Variants in XRN2 observed in about 807,000 individuals in gnomAD.
XRN2 encodes the protein DHM1-like protein.
In XRN2, 44 loss-of-function variants were observed where a neutral mutation model predicts 138.5. The ratio of observed to expected loss-of-function variants is 0.32; its 90% CI spans 0.25 to 0.41. The LOEUF (loss-of-function observed/expected upper bound fraction) is 0.41. XRN2 is among the 10% of genes least tolerant of loss of function. The pLI, the probability that XRN2 is intolerant of heterozygous loss-of-function variation, is 1.00. For synonymous variants in XRN2, 354 were observed against 369.4 expected (o/e 0.96, Z 0.48); for missense variants, 937 against 1,169.3 (o/e 0.80, Z 2.90).
rs999619865 is a variant in XRN2, at chr20:21,328,812, A to G, written c.427+142A>G. 9 of 731,762 alleles carry G rather than the reference A, an allele frequency of 1.2e-5. No individual in the cohort carries two copies. In the African/African-American group the frequency reaches 1.4e-4, roughly 12 times the overall value. 45.3% of individuals were successfully genotyped at this position (731,762 alleles called of 1,614,324 possible). On this transcript the variant is annotated intron_variant, in intron 4 of 29. Coordinates refer to ENST00000377191, the MANE Select transcript of XRN2 (RefSeq NM_012255.5). ...TATCCAGTGTTCACTGTTGAGGAAAAGTAGTTCATGAAATCTACCAATAGG... is the reference window on the plus strand; with the variant it reads ...TATCCAGTGTTCACTGTTGAGGAAAGGTAGTTCATGAAATCTACCAATAGG...
intron 28 of XRN2, among the ~76,000 whole-genome samples, chr20:21,385,679 G>T (rs544183546): frequency 6.6e-6 from 1 of 152,198 alleles, no homozygotes; most frequent in Non-Finnish European, 1.5e-5. Flanking sequence ...TAAAAAGAAG[G>T]CAAGCTCCAA....
chr20:21,329,426 A>G (rs2038172282), intron 4 of XRN2, among the ~76,000 whole-genome samples: 1 of 152,176 alleles, frequency 6.6e-6, no homozygotes, highest in South Asian at 2.1e-4. Context: ...AAGGGGGTAT[A>G]ATAGACCAGA....
At chr20:21,357,814 G>A (rs2038594161) in intron 24 of XRN2, 22 bp downstream of exon 24, 3 of 1,591,412 alleles carry the variant, frequency 1.9e-6, no homozygotes, top group Non-Finnish European at 2.6e-6. Flanking sequence ...AAAATTCATG[G>A]CATTCACCCA....
In XRN2 at chr20:21,326,274, C is replaced by T. The variant is rs1456858473; in HGVS notation, c.76-5C>T. The T allele has an allele frequency of 6.2e-7, 1 of 1,612,458 alleles. No homozygotes were observed. Among genetic ancestry groups the T allele is most frequent in the East Asian group, 2.2e-5 (1 of 44,770 alleles). ...AAACTACTATTAATTATCACTTCCT[C>T]ATAGCCAAAAGAATGCAATGGTGTA... is the stretch of plus-strand genomic sequence containing the variant. On this transcript the variant is annotated splice_region_variant and splice_polypyrimidine_tract_variant and intron_variant, in intron 1 of 29. Transcript: ENST00000377191.
intron 11 of XRN2, 32 bp downstream of exon 11, chr20:21,333,869 T>G (rs775063391): frequency 6.2e-7 from 1 of 1,614,128 alleles, no homozygotes; most frequent in Non-Finnish European, 8.5e-7. Flanking sequence ...TTCAAACGAC[T>G]GTTTTAGGCT....
intron 24 of XRN2, among the ~76,000 whole-genome samples, chr20:21,359,260 G>T (rs914459570): frequency 6.6e-6 from 1 of 152,098 alleles, no homozygotes; most frequent in Non-Finnish European, 1.5e-5. Flanking sequence ...GGCCGGGCGC[G>T]GTGGCTCACA....
At chr20:21,370,708 A>G (rs1409902727) in intron 27 of XRN2, among the ~76,000 whole-genome samples, 1 of 152,244 alleles carries the variant, frequency 6.6e-6, no homozygotes, top group African/African-American at 2.4e-5. Context: ...GTTGACCACA[A>G]AAATAATTAA....
At chr20:21,354,936 A>G in intron 21 of XRN2, 64 bp downstream of exon 21, 2 of 1,307,040 alleles carry the variant, frequency 1.5e-6, no homozygotes, top group Non-Finnish European at 2.1e-6. Context: ...TTCTGTATAA[A>G]ATTAGACCTT....
chr20:21,319,236 C>G (rs2038004815), intron 1 of XRN2, among the ~76,000 whole-genome samples: 1 of 152,090 alleles, frequency 6.6e-6, no homozygotes, highest in Non-Finnish European at 1.5e-5. Context: ...GCATGATTAT[C>G]TTTTCTCATC....
chr20:21,359,003 T>C (rs2038606923), intron 24 of XRN2, among the ~76,000 whole-genome samples: 1 of 152,230 alleles, frequency 6.6e-6, no homozygotes, highest in African/African-American at 2.4e-5. Context: ...ACATGTTTGC[T>C]TGTGCTTCTC....
intron 1 of XRN2, among the ~76,000 whole-genome samples, chr20:21,319,121 G>A (rs1020969769): frequency 4.0e-5 from 6 of 151,804 alleles, no homozygotes; most frequent in East Asian, 1.9e-4. Context: ...ACTTTTTATC[G>A]TTATAAAATG....
Position 21,331,683 on chromosome 20 carries a change from C to G in XRN2, c.649+50C>G, listed in dbSNP as rs750672613. Reference sequence around the variant, plus strand: ...ATTATATGTTCTATTTTTAAAAAGCCATTGCATAGAAAATACTTGGTATGA... The same window carrying G: ...ATTATATGTTCTATTTTTAAAAAGCGATTGCATAGAAAATACTTGGTATGA... On this transcript the variant is annotated intron_variant, in intron 7 of 29. Transcript: ENST00000377191. 8.8e-6 allele frequency: 14 copies of G among 1,596,390 alleles called. No homozygotes were observed. The Admixed American group carries it at 2.3e-4, about 26-fold the overall frequency.
At chr20:21,339,953 T>A (rs1226979254) in intron 14 of XRN2, among the ~76,000 whole-genome samples, 7 of 152,212 alleles carry the variant, frequency 4.6e-5, no homozygotes. Context: ...TTATTTATTG[T>A]TGCAGTGGGT....
intron 27 of XRN2, among the ~76,000 whole-genome samples, chr20:21,378,268 A>ACC (rs2038847507): frequency 6.6e-6 from 1 of 151,982 alleles, no homozygotes; most frequent in African/African-American, 2.4e-5. Flanking sequence ...TAGTTGTTAA[A>ACC]CCCCCCATCC....
intron 20 of XRN2, among the ~76,000 whole-genome samples, chr20:21,351,270 T>G (rs953245242): frequency 1.3e-5 from 2 of 152,224 alleles, no homozygotes; most frequent in Non-Finnish European, 2.9e-5. Context: ...TTTGTTATTT[T>G]GTTTTTATTA....
intron 27 of XRN2, among the ~76,000 whole-genome samples, chr20:21,374,148 G>A (rs1373887242): frequency 1.3e-5 from 2 of 152,028 alleles, no homozygotes; most frequent in Non-Finnish European, 2.9e-5. Flanking sequence ...TTTATATGTA[G>A]AAATAAAGTT....
intron 24 of XRN2, among the ~76,000 whole-genome samples, chr20:21,362,560 C>T (rs2038649389): frequency 6.6e-6 from 1 of 152,146 alleles, no homozygotes; most frequent in South Asian, 2.1e-4. Context: ...TCCCTCTGCT[C>T]TCTCGCACAC....
At chr20:21,372,337 G>A (rs1156402630) in intron 27 of XRN2, among the ~76,000 whole-genome samples, 1 of 152,184 alleles carries the variant, frequency 6.6e-6, no homozygotes, top group Non-Finnish European at 1.5e-5. Context: ...TAGGCTGAGA[G>A]AAAATTATGA....
chr20:21,357,746 TCTC>T lies in XRN2; in HGVS notation c.2212_2214del (p.Pro738del). Reference sequence around the variant, plus strand: ...CTTGTTTCCTTCTAGAATAGTATGTTCTCCTGTTCCTATGTTAAGGGATCTGAC... The same window carrying T: ...CTTGTTTCCTTCTAGAATAGTATGTTCTGTTCCTATGTTAAGGGATCTGAC... On this transcript the variant is annotated inframe_deletion, in exon 24 of 30. Coordinates refer to ENST00000377191, the MANE Select transcript of XRN2 (RefSeq NM_012255.5). The T allele has an allele frequency of 6.3e-7, 1 of 1,596,322 alleles. No individual in the cohort carries two copies. The highest frequency in any genetic ancestry group is 8.5e-7 in the Non-Finnish European group (1 of 1,171,962).
Sources: gnomAD v4.1 joint callset for allele counts (sites outside exome capture counted in the v4.1 genomes callset) on GRCh38, gnomAD v4.1.1 for gene constraint, MANE v1.5 for transcripts, NCBI Gene and HGNC (gene_info 2026-07-23, HGNC 2026-07-21) for gene names.